The following MYRF variants were observed in gnomAD, a reference collection of about 807,000 sequenced individuals.
The protein encoded by MYRF is myelin regulatory factor, also known as myelin gene regulatory factor.
In MYRF, 16 loss-of-function variants were observed where a neutral mutation model predicts 126.3. That is an observed-to-expected ratio of 0.13 (90% CI 0.09 to 0.19). The LOEUF (loss-of-function observed/expected upper bound fraction) is 0.19. Among genes scored for constraint, MYRF ranks in the 10% least tolerant of loss-of-function variants. The probability of loss-of-function intolerance (pLI) is 1.00; values close to 1 mark genes in which losing one functional copy is unlikely to be tolerated. For missense variants in MYRF, 1,104 were observed against 1,547.0 expected (o/e 0.71, Z 4.80); for synonymous variants, 608 against 635.3 (o/e 0.96, Z 0.65).
At chr11:61,775,439 G>T (rs1565296882) in intron 8 of MYRF, among the ~76,000 whole-genome samples, 1 of 152,154 alleles carries the variant, frequency 6.6e-6, no homozygotes, top group East Asian at 1.9e-4. Context: ...CCTCCCCTAA[G>T]ACCCATTGGG....
chr11:61,771,425 A>G, intron 5 of MYRF, 75 bp from the exon 6 acceptor site: 2 of 1,542,436 alleles, frequency 1.3e-6, no homozygotes, highest in African/African-American at 2.7e-5. Context: ...TAGAGAGGGG[A>G]GAGAGGTGGA....
intron 25 of MYRF, chr11:61,784,963 G>T (rs1169793433): frequency 6.5e-6 from 1 of 152,932 alleles, no homozygotes; most frequent in Admixed American, 6.5e-5. Context: ...ATGAAGGGAA[G>T]TAGTGATTAT....
chr11:61,761,905 C>T (rs987548115), intron 1 of MYRF, among the ~76,000 whole-genome samples: 13 of 152,220 alleles, frequency 8.5e-5, no homozygotes, highest in African/African-American at 2.7e-4. Context: ...GGCCACTGGG[C>T]GAGTGAGCTG....
At chr11:61,756,159 G>A (rs1227582515) in intron 1 of MYRF, among the ~76,000 whole-genome samples, 1 of 152,172 alleles carries the variant, frequency 6.6e-6, no homozygotes, top group African/African-American at 2.4e-5. Context: ...CCAGGATACT[G>A]GTTTGAAAGC....
rs748391313 is a variant in MYRF at position 61,776,477 on chromosome 11, G to T, written c.1499+45G>T. The T allele has an allele frequency of 1.9e-6, 3 of 1,547,196 alleles. No individual in the cohort carries two copies. ...GCCCCGGAGCCCCTCCATTTCTGAGGCAGGAAGACACTGCCCTGGGTGGCA... is the reference window on the plus strand; with the variant it reads ...GCCCCGGAGCCCCTCCATTTCTGAGTCAGGAAGACACTGCCCTGGGTGGCA... On this transcript the variant is annotated intron_variant, in intron 10 of 26. Coordinates refer to ENST00000278836, the MANE Select transcript of MYRF (RefSeq NM_001127392.3). This position sits in a 1 kb window ranked among gnomAD's most constrained non-coding sequence, Gnocchi z 4.3.
chr11:61,784,233 G>T, intron 24 of MYRF, 47 bp from the exon 25 acceptor site: 1 of 1,567,278 alleles, frequency 6.4e-7, no homozygotes, highest in Non-Finnish European at 8.7e-7. Flanking sequence ...GGCTGGGGTT[G>T]AGGGACTCTA....
intron 1 of MYRF, 133 bp downstream of exon 1, chr11:61,752,923 C>A: frequency 1.2e-6 from 1 of 867,380 alleles, no homozygotes; most frequent in Non-Finnish European, 1.7e-6. Flanking sequence ...GGCACCAGCC[C>A]GCCAAGACAG....
chr11:61,780,983 C>A lies in MYRF; in HGVS notation c.2510C>A (p.Thr837Lys). ...AGGTCCAGCCAGAGCTTTGGGACCA[C>A]GCAGCTCCGACAGTCCCCCTTGACC... Reference protein sequence around the residue: ...CPWSSQSFGTTQLRQSPLTTG... With the variant: ...CPWSSQSFGTKQLRQSPLTTG... The change falls in exon 20 of 27, where the codon ACG becomes AAG. Residue 837 changes from threonine (T) to lysine (K), a missense_variant. Transcript: ENST00000278836. 6.2e-7 allele frequency: 1 copy of A among 1,610,114 alleles called. No individual in the cohort carries two copies. Among genetic ancestry groups the A allele is most frequent in the Non-Finnish European group, 8.5e-7 (1 of 1,179,996 alleles).
chr11:61,775,994 C>A, intron 8 of MYRF, 62 bp from the exon 9 acceptor site: 1 of 1,514,212 alleles, frequency 6.6e-7, no homozygotes, highest in African/African-American at 1.4e-5. Context: ...TGAGAGGGGG[C>A]AGGAGGGCAG....
At chr11:61,763,539 A>G (rs2065960550) in intron 1 of MYRF, among the ~76,000 whole-genome samples, 1 of 152,224 alleles carries the variant, frequency 6.6e-6, no homozygotes, top group Admixed American at 6.5e-5. Flanking sequence ...CCGCAGGTGA[A>G]GAGCCTGCAG....
intron 1 of MYRF, among the ~76,000 whole-genome samples, chr11:61,759,232 G>A (rs952244326): frequency 3.0e-4 from 45 of 152,336 alleles, no homozygotes; most frequent in African/African-American, 9.1e-4. Flanking sequence ...GCTGGCCTCG[G>A]TGCTGTTGGA....
intron 16 of MYRF, 69 bp from the exon 17 acceptor site, chr11:61,779,773 A>G: frequency 6.8e-7 from 1 of 1,474,868 alleles, no homozygotes; most frequent in Non-Finnish European, 9.4e-7. Flanking sequence ...TCCGACCTCC[A>G]GCAGAGCCCA....
chr11:61,780,613 G>A, intron 18 of MYRF, 99 bp from the exon 19 acceptor site: 4 of 1,215,332 alleles, frequency 3.3e-6, no homozygotes, highest in South Asian at 1.4e-5. Context: ...GGCTCTGTGA[G>A]CCCACTGTCA....
At chr11:61,772,453 G>T (rs2066254497) in intron 7 of MYRF, among the ~76,000 whole-genome samples, 1 of 152,264 alleles carries the variant, frequency 6.6e-6, no homozygotes, top group South Asian at 2.1e-4. Flanking sequence ...CACCCAGAAG[G>T]CCAGTGGGCA....
Position 61,783,794 on chromosome 11 carries a change from T to G in MYRF, c.3120-57T>G. 1 of 1,518,800 alleles carries G rather than the reference T, an allele frequency of 6.6e-7. No homozygotes were observed. The highest frequency in any genetic ancestry group is 9.0e-7 in the Non-Finnish European group (1 of 1,116,676). 94.1% of individuals were successfully genotyped at this position (1,518,800 alleles called of 1,614,324 possible). On this transcript the variant is annotated intron_variant, in intron 23 of 26. Transcript: ENST00000278836. The surrounding 1 kb of genome is among the most constrained non-coding windows in gnomAD (Gnocchi z 4.6). ...AGATTGGGGGCTGAGGAGTCCCTGG[T>G]GGGGGTGGGGGGTGGCAGGGTACCC... is the stretch of plus-strand genomic sequence containing the variant.
chr11:61,785,719 G>C, intron 25 of MYRF, 81 bp from the exon 26 acceptor site: 1 of 1,182,954 alleles, frequency 8.5e-7, no homozygotes, highest in Non-Finnish European at 1.3e-6. Flanking sequence ...ACAGACCCCA[G>C]GACTGCGACG....
chr11:61,758,559 G>A (rs1040051994), intron 1 of MYRF, among the ~76,000 whole-genome samples: 3 of 152,174 alleles, frequency 2.0e-5, no homozygotes, highest in African/African-American at 4.8e-5. Flanking sequence ...TGCATGTGAC[G>A]CTGTGCCTGT....
Position 61,784,383 on chromosome 11 carries a change from C to A in MYRF, c.3298C>A (p.Gln1100Lys). 6.2e-7 allele frequency: 1 copy of A among 1,612,902 alleles called. No homozygotes were observed. The highest frequency in any genetic ancestry group is 1.1e-5 in the South Asian group (1 of 90,974). Residue 1100 changes from glutamine (Q) to lysine (K), a missense_variant and splice_region_variant, in exon 25 of 27, where the codon CAG (glutamine) becomes AAG (lysine). Coordinates refer to ENST00000278836, the MANE Select transcript of MYRF (RefSeq NM_001127392.3). Reference sequence around the variant, plus strand: ...GAGTCTCCACACCCACCAGGACACCCAGGTAGGTGGGACTGGGAAGCTGCG... The same window carrying A: ...GAGTCTCCACACCCACCAGGACACCAAGGTAGGTGGGACTGGGAAGCTGCG... ...PQSLHTHQDT[Q>K]GTSHRWPITI...
At chr11:61,763,096 A>G (rs548795854) in intron 1 of MYRF, among the ~76,000 whole-genome samples, 43 of 152,260 alleles carry the variant, frequency 2.8e-4, no homozygotes, top group African/African-American at 9.4e-4. Flanking sequence ...CATTCACCGT[A>G]GATTCCAAGT....
Sources: allele counts gnomAD v4.1 joint callset (sites outside exome capture counted in the v4.1 genomes callset), GRCh38; gene constraint gnomAD v4.1.1; non-coding constraint Gnocchi (gnomAD v3.1); transcripts MANE v1.5; gene names NCBI Gene and HGNC (gene_info 2026-07-23, HGNC 2026-07-21).